VGLL3: variants seen among roughly 807,000 people sequenced by gnomAD.
VGLL3 encodes vestigial like family member 3, also known as transcription cofactor vestigial-like protein 3.
In VGLL3, 18 loss-of-function variants were observed where a neutral mutation model predicts 29.2. The ratio of observed to expected loss-of-function variants is 0.62; its 90% CI spans 0.43 to 0.91. The LOEUF is 0.91. VGLL3 is among the 40% of genes least tolerant of loss of function. The probability of loss-of-function intolerance (pLI) is 0.00; values close to 1 mark genes in which losing one functional copy is unlikely to be tolerated. For synonymous variants in VGLL3, 180 were observed against 151.8 expected (o/e 1.19, Z -1.36); for missense variants, 440 against 413.2 (o/e 1.06, Z -0.56).
At chr3:86,970,020 C>T (rs1304961670) in intron 2 of VGLL3, among the ~76,000 whole-genome samples, 1 of 152,076 alleles carries the variant, frequency 6.6e-6, no homozygotes, top group Non-Finnish European at 1.5e-5. Context: ...AACTGTGAAC[C>T]TCAACATCTC....
At chr3:86,978,859 TAGTTA>T (rs1424390103) in intron 1 of VGLL3, 57 bp from the exon 2 acceptor site, 3 of 1,485,668 alleles carry the variant, frequency 2.0e-6, no homozygotes, top group Non-Finnish European at 2.7e-6. Context: ...AAGCATTCAC[TAGTTA>T]AGTTTTCACT....
intron 3 of VGLL3, among the ~76,000 whole-genome samples, chr3:86,956,327 C>A (rs559143185): frequency 1.7e-4 from 26 of 152,178 alleles, no homozygotes; most frequent in African/African-American, 2.2e-4. Context: ...GGACAACCTG[C>A]GAGTTATGGC....
Position 86,945,176 on chromosome 3 carries a change from G to A in VGLL3, c.*1848C>T, listed in dbSNP as rs1194610004. 2 of 152,102 alleles carry A rather than the reference G, an allele frequency of 1.3e-5. No homozygotes were observed. The highest frequency in any genetic ancestry group is 2.9e-5 in the Non-Finnish European group (2 of 68,026). The allele number at this position is 152,102 out of a possible 1,614,324, so 9.4% of individuals were successfully genotyped here. A position where few individuals can be genotyped will look rare whatever the true frequency, so the allele number is the denominator to read the frequency against. On this transcript the variant is annotated 3_prime_UTR_variant, in exon 4 of 4. Transcript: ENST00000398399. ...GCATATTGTGTAAAAGAGAGTCTAG[G>A]TAAGAAACAGCAAAGTGCGGAGTGA...
At position 86,939,008 on chromosome 3, in the gene VGLL3, C is replaced by A. The variant is rs146613975; in HGVS notation, c.*8016G>T. The A allele has an allele frequency of 1.3e-5, 2 of 152,320 alleles. No individual in the cohort carries two copies. The highest frequency in any genetic ancestry group is 1.3e-4 in the Admixed American group (2 of 15,302). 9.4% of individuals were successfully genotyped at this position (152,320 alleles called of 1,614,324 possible). A position where few individuals can be genotyped will look rare whatever the true frequency, so the allele number is the denominator to read the frequency against. ...GCACTAGATGACCTGTTCTCCACCCCCTAGACTGCTCATCTTACATAAGTA... is the reference window on the plus strand; with the variant it reads ...GCACTAGATGACCTGTTCTCCACCCACTAGACTGCTCATCTTACATAAGTA... On this transcript the variant is annotated 3_prime_UTR_variant, in exon 4 of 4. Coordinates refer to ENST00000398399, the MANE Select transcript of VGLL3 (RefSeq NM_016206.4).
intron 2 of VGLL3, among the ~76,000 whole-genome samples, chr3:86,972,240 A>G (rs1705116831): frequency 1.3e-5 from 2 of 152,348 alleles, no homozygotes; most frequent in Admixed American, 6.5e-5. Flanking sequence ...GTAGAAATCT[A>G]TTTTTGAAAA....
At chr3:86,966,920 C>A (rs985399816) in intron 3 of VGLL3, among the ~76,000 whole-genome samples, 1 of 149,880 alleles carries the variant, frequency 6.7e-6, no homozygotes, top group African/African-American at 2.5e-5. Flanking sequence ...CAACTGGGTC[C>A]TCTCAAGAAT....
At chr3:86,978,428 A>G in intron 2 of VGLL3, 98 bp downstream of exon 2, 4 of 1,330,900 alleles carry the variant, frequency 3.0e-6, no homozygotes, top group Non-Finnish European at 4.1e-6. Context: ...AAGCAAGTGG[A>G]TATCCATCCT....
At chr3:86,962,011 T>C in intron 3 of VGLL3, 1 of 984,040 alleles carries the variant, frequency 1.0e-6, no homozygotes, top group Non-Finnish European at 1.2e-6. Flanking sequence ...ATAAATTCAT[T>C]TGATAATAGA....
rs776255784 is a variant in VGLL3 at position 86,947,055 on chromosome 3, T to C, written c.950A>G (p.Gln317Arg). 4 of 780,690 alleles carry C rather than the reference T, an allele frequency of 5.1e-6. No homozygotes were observed. The East Asian group carries it at 9.7e-5, about 19-fold the overall frequency. 48.4% of individuals were successfully genotyped at this position (780,690 alleles called of 1,614,324 possible). A position where few individuals can be genotyped will look rare whatever the true frequency, so the allele number is the denominator to read the frequency against. ...SVGFDTGLQH[Q>R]DKSKESPWY The stretch of plus-strand genomic sequence containing the variant: ...CCACGGTGATTCCTTACTCTTGTCT[T>C]GATGCTGTAGACCTGGAACAAATGA... The change falls in exon 4 of 4, where the codon CAA (glutamine) becomes CGA (arginine). Residue 317 changes from glutamine (Q) to arginine (R), a missense_variant. Transcript: ENST00000398399.
rs1022991987 is a variant in VGLL3 at position 86,969,612 on chromosome 3, G to A, written c.404-489C>T. Among the ~76,000 whole-genome samples, 3 of 152,068 alleles carry A rather than the reference G, an allele frequency of 2.0e-5. No homozygotes were observed. In the East Asian group the frequency reaches 5.8e-4, roughly 29 times the overall value. ...ATGCCGAAGGTAACAATGGAAGTAAGATTACAATTACTTATACTCACTAAC... is the reference window on the plus strand; with the variant it reads ...ATGCCGAAGGTAACAATGGAAGTAAAATTACAATTACTTATACTCACTAAC... On this transcript the variant is annotated intron_variant, in intron 2 of 3. Coordinates refer to ENST00000398399, the MANE Select transcript of VGLL3 (RefSeq NM_016206.4).
In VGLL3 at chr3:86,975,715, G is replaced by A. The variant is rs74645240; in HGVS notation, c.403+2811C>T. Among the ~76,000 whole-genome samples, 211 of 152,276 alleles carry A rather than the reference G, an allele frequency of 1.4e-3. 6 individuals are homozygous for A. The East Asian group carries it at 0.039, about 28-fold the overall frequency. On this transcript the variant is annotated intron_variant, in intron 2 of 3. Transcript: ENST00000398399. The stretch of plus-strand genomic sequence containing the variant: ...CATCAGAAAAAATGAGGCACCATAA[G>A]AAGATATGGTATTTGTAGACTTAGT...
At chr3:86,981,342 G>T (rs1705320918) in intron 1 of VGLL3, among the ~76,000 whole-genome samples, 1 of 151,760 alleles carries the variant, frequency 6.6e-6, no homozygotes, top group Non-Finnish European at 1.5e-5. Flanking sequence ...TTCAATGGTT[G>T]GATAGAAATA....
At chr3:86,978,863 T>C (rs1705268364) in intron 1 of VGLL3, 61 bp from the exon 2 acceptor site, 2 of 1,479,822 alleles carry the variant, frequency 1.4e-6, no homozygotes, top group African/African-American at 2.8e-5. Context: ...ATTCACTAGT[T>C]AAGTTTTCAC....
At chr3:86,984,536 T>A (rs1705395437) in intron 1 of VGLL3, among the ~76,000 whole-genome samples, 1 of 152,178 alleles carries the variant, frequency 6.6e-6, no homozygotes, top group Non-Finnish European at 1.5e-5. Context: ...GCAATGATCA[T>A]ATCATGAGGG....
intron 1 of VGLL3, among the ~76,000 whole-genome samples, chr3:86,986,881 G>A (rs1705452849): frequency 6.6e-6 from 1 of 152,032 alleles, no homozygotes. Context: ...ACGGCCTTTG[G>A]AATGCCTAAA....
At chr3:86,981,018 TA>T (rs2107057417) in intron 1 of VGLL3, among the ~76,000 whole-genome samples, 1 of 152,274 alleles carries the variant, frequency 6.6e-6, no homozygotes, top group Non-Finnish European at 1.5e-5. Context: ...ATTCATTCTT[TA>T]AATAGAAGAG....
In VGLL3 at chr3:86,944,778, T is replaced by C. The variant is rs1011662811; in HGVS notation, c.*2246A>G. The C allele has an allele frequency of 6.6e-6, 1 of 152,248 alleles. No individual in the cohort carries two copies. The highest frequency in any genetic ancestry group is 2.4e-5 in the African/African-American group (1 of 41,468). The allele number at this position is 152,248 out of a possible 1,614,324, so 9.4% of individuals were successfully genotyped here. On this transcript the variant is annotated 3_prime_UTR_variant, in exon 4 of 4. Transcript: ENST00000398399. Reference sequence around the variant, plus strand: ...GGAGCTAGGAATAACTACTTTCCTTTTCCTCTTCATTGGGAAAATCCAACT... The same window carrying C: ...GGAGCTAGGAATAACTACTTTCCTTCTCCTCTTCATTGGGAAAATCCAACT...
chr3:86,981,465 G>A (rs991371893), intron 1 of VGLL3, among the ~76,000 whole-genome samples: 1 of 151,728 alleles, frequency 6.6e-6, no homozygotes, highest in Admixed American at 6.6e-5. Context: ...TTCTCTCATT[G>A]TATGTATTCT....
intron 3 of VGLL3, among the ~76,000 whole-genome samples, chr3:86,958,033 C>T (rs1004675280): frequency 6.6e-6 from 1 of 152,114 alleles, no homozygotes; most frequent in Non-Finnish European, 1.5e-5. Flanking sequence ...AATATGCACA[C>T]TTTTTTGTTA....
Sources: gnomAD v4.1 joint callset for allele counts (sites outside exome capture counted in the v4.1 genomes callset) on GRCh38, gnomAD v4.1.1 for gene constraint, MANE v1.5 for transcripts, NCBI Gene and HGNC (gene_info 2026-07-23, HGNC 2026-07-21) for gene names.